PARVB: variants seen among roughly 807,000 people sequenced by gnomAD.
PARVB encodes beta-parvin.
PARVB carries 46 observed loss-of-function variants against 47.0 expected under a neutral mutation model. The ratio of observed to expected loss-of-function variants is 0.98; its 90% confidence interval spans 0.77 to 1.25. PARVB has a LOEUF of 1.25. PARVB is among the 50% of genes most tolerant of loss of function. The pLI is 0.00. For missense variants in PARVB, 473 were observed against 471.6 expected (o/e 1.00, Z -0.03); for synonymous variants, 196 against 196.3 (o/e 1.00, Z 0.01).
intron 4 of PARVB, among the ~76,000 whole-genome samples, chr22:44,126,923 C>T (rs911569686): frequency 6.6e-6 from 1 of 152,200 alleles, no homozygotes; most frequent in African/African-American, 2.4e-5. Context: ...CCGTGGTTGC[C>T]TGTAAACCAT....
intron 8 of PARVB, chr22:44,140,576 A>G (rs1443856873): frequency 1.9e-6 from 1 of 523,914 alleles, no homozygotes; most frequent in African/African-American, 1.9e-5. Context: ...CCTGGAAACC[A>G]CTGGTTTAGC....
Position 44,028,750 on chromosome 22 carries a change from C to T in PARVB, c.112+4299C>T, listed in dbSNP as rs576460814. 5.7e-4 allele frequency among the ~76,000 whole-genome samples: 87 copies of T among 152,308 alleles called. 1 individual carries two copies. Among genetic ancestry groups the T allele is most frequent in the African/African-American group, 1.9e-3 (77 of 41,562 alleles). ...AAGTGGCTGTGCCACATTTATTCAC[C>T]GGTGGCGAACGAGAGTCCTGGCTGC... On this transcript the variant is annotated intron_variant, in intron 1 of 12. Coordinates refer to ENST00000338758, the MANE Select transcript of PARVB (RefSeq NM_013327.5).
At chr22:44,026,379 G>C (rs1374625329) in intron 1 of PARVB, 5 of 984,950 alleles carry the variant, frequency 5.1e-6, no homozygotes, top group Non-Finnish European at 6.0e-6. Flanking sequence ...CGCTGGGGGT[G>C]AGCTGGGCGC....
rs541805258 is a variant in PARVB at position 44,119,801 on chromosome 22, T to A, written c.376+661T>A. Reference sequence around the variant, plus strand: ...TGAATGGTTACAGTTACTGTTCAGATTGCTTGTGATGAGGGCCTTCGGAGA... The same window carrying A: ...TGAATGGTTACAGTTACTGTTCAGAATGCTTGTGATGAGGGCCTTCGGAGA... On this transcript the variant is annotated intron_variant, in intron 4 of 12. Transcript: ENST00000338758. 231 of 532,996 alleles carry A rather than the reference T, an allele frequency of 4.3e-4. 1 individual carries two copies. The Middle Eastern group carries it at 5.3e-3, about 12-fold the overall frequency. The allele number at this position is 532,996 out of a possible 1,614,324, so 33.0% of individuals were successfully genotyped here.
In PARVB at chr22:44,011,141, T is replaced by A. The variant is rs552758657; in HGVS notation, c.211+11468T>A. Among the ~76,000 whole-genome samples, 3 of 152,200 alleles carry A rather than the reference T, an allele frequency of 2.0e-5. No individual in the cohort carries two copies. The East Asian group carries it at 5.8e-4, about 30-fold the overall frequency. On this transcript the variant is annotated intron_variant, in intron 2 of 13. Transcript: ENST00000406477. ...GCCCGGCCATGCCTGACTAATTTTT[T>A]AAAAATATTTTTCATAGAGATGGAC...
intron 2 of PARVB, among the ~76,000 whole-genome samples, chr22:44,009,001 G>A (rs762235809): frequency 6.6e-5 from 10 of 151,950 alleles, no homozygotes; most frequent in Middle Eastern, 3.2e-3. Flanking sequence ...AAATAAATAA[G>A]TAAATAAATA....
At chr22:44,032,837 C>T (rs1216355486) in intron 1 of PARVB, among the ~76,000 whole-genome samples, 1 of 152,130 alleles carries the variant, frequency 6.6e-6, no homozygotes. Context: ...AATGCTGGGA[C>T]CAGTCAGCCA....
In PARVB at chr22:44,166,282, C is replaced by G. The variant is rs891042522; in HGVS notation, c.1019-2320C>G. The stretch of plus-strand genomic sequence containing the variant: ...CCGCCACCATGCCTGGCTAATTTTT[C>G]TATTTTTAGTAGAGATGGGGTTTCA... On this transcript the variant is annotated intron_variant, in intron 12 of 12. Coordinates refer to ENST00000338758, the MANE Select transcript of PARVB (RefSeq NM_013327.5). Among the ~76,000 whole-genome samples the G allele has an allele frequency of 6.6e-5, 10 of 152,238 alleles. No individual in the cohort carries two copies. The East Asian group carries it at 1.9e-3, about 29-fold the overall frequency.
chr22:44,117,079 G>A (rs551751146), intron 3 of PARVB, among the ~76,000 whole-genome samples: 216 of 152,216 alleles, frequency 1.4e-3, no homozygotes, highest in Non-Finnish European at 2.5e-3. Flanking sequence ...AAAGGAGCAC[G>A]CCTGGGGTGT....
chr22:44,030,925 G>A (rs2050815214), intron 1 of PARVB, among the ~76,000 whole-genome samples: 1 of 152,124 alleles, frequency 6.6e-6, no homozygotes, highest in African/African-American at 2.4e-5. Flanking sequence ...AACGAAAAGG[G>A]GGAGTGGCTG....
At chr22:44,024,205 G>C (rs2050689091), upstream of PARVB, 1 of 311,142 alleles carries the variant, frequency 3.2e-6, no homozygotes, top group Admixed American at 6.5e-5. Flanking sequence ...CGGGACGCCG[G>C]GGCCGCGCTC....
chr22:44,142,684 G>A (rs1196466837), intron 8 of PARVB: 1 of 152,184 alleles, frequency 6.6e-6, no homozygotes, highest in Non-Finnish European at 1.5e-5. Flanking sequence ...GGTGTCACAT[G>A]TGAAAAGTGG....
chr22:44,043,153 A>G (rs1569071661), intron 1 of PARVB, among the ~76,000 whole-genome samples: 1 of 152,216 alleles, frequency 6.6e-6, no homozygotes, highest in Non-Finnish European at 1.5e-5. Context: ...CATTTGCAAA[A>G]GGATAAATAC....
chr22:44,114,474 A>T (rs1490663547), intron 3 of PARVB: 1 of 69,230 alleles, frequency 1.4e-5, no homozygotes, highest in Non-Finnish European at 2.9e-5. Flanking sequence ...ATTGTTACTA[A>T]CTAAGGCCCT....
chr22:44,090,218 G>A (rs1374517412), intron 1 of PARVB, among the ~76,000 whole-genome samples: 5 of 152,232 alleles, frequency 3.3e-5, no homozygotes, highest in Non-Finnish European at 4.4e-5. Context: ...ACACCAACAA[G>A]TGGCAATGCG....
chr22:44,158,456 C>T (rs190510524), intron 11 of PARVB, among the ~76,000 whole-genome samples: 17 of 152,332 alleles, frequency 1.1e-4, no homozygotes, highest in South Asian at 2.1e-4. Context: ...AGTGGTGGCA[C>T]GAAGTCCCAA....
intron 3 of PARVB, among the ~76,000 whole-genome samples, chr22:44,118,240 A>C (rs1240084091): frequency 1.3e-5 from 2 of 152,246 alleles, no homozygotes; most frequent in African/African-American, 4.8e-5. Flanking sequence ...CGAAAGAAGG[A>C]CGGAAACATG....
At chr22:44,062,728 CAGG>C (rs1262373619) in intron 1 of PARVB, among the ~76,000 whole-genome samples, 4 of 152,024 alleles carry the variant, frequency 2.6e-5, no homozygotes, top group African/African-American at 9.7e-5. Context: ...GTGAGCAGAA[CAGG>C]AGGAGGCACA....
At position 44,074,267 on chromosome 22, in the gene PARVB, G is replaced by A. The variant is rs563872676; in HGVS notation, c.113-19661G>A. ...CCCTGGCATTTCTGAGCCCCTGATC[G>A]GTTCTGTTGCCTGCACGACGGCCTG... On this transcript the variant is annotated intron_variant, in intron 1 of 12. Transcript: ENST00000338758. Among the ~76,000 whole-genome samples, 7 of 152,282 alleles carry A rather than the reference G, an allele frequency of 4.6e-5. No homozygotes were observed. The South Asian group carries it at 6.2e-4, about 14-fold the overall frequency.
Sources: gnomAD v4.1 joint callset for allele counts (sites outside exome capture counted in the v4.1 genomes callset) on GRCh38, gnomAD v4.1.1 for gene constraint, MANE v1.5 for transcripts, NCBI Gene and HGNC (gene_info 2026-07-23, HGNC 2026-07-21) for gene names.